The following MYO10 variants were observed in gnomAD, a reference collection of about 807,000 sequenced individuals.
The protein encoded by MYO10 is myosin X.
Under a neutral mutation model 257.3 loss-of-function variants are expected in MYO10, and 133 were observed. The observed-to-expected ratio is 0.52, with a 90% CI of 0.45 to 0.60. The LOEUF (loss-of-function observed/expected upper bound fraction) is 0.60. MYO10 is among the 20% of genes least tolerant of loss of function. The pLI is 0.00. For synonymous variants in MYO10, 1,104 were observed against 1,028.6 expected, an observed-to-expected ratio of 1.07 and a Z score of -1.40; for missense variants, 2,399 against 2,635.7, an observed-to-expected ratio of 0.91 and a Z score of 1.97.
intron 2 of MYO10, 79 bp downstream of exon 2, chr5:16,877,530 G>C: frequency 9.1e-7 from 1 of 1,098,604 alleles, no homozygotes; most frequent in South Asian, 1.3e-5. Context: ...GTGTAGGGGG[G>C]CCAAGCACAC....
chr5:16,854,458 G>A (rs901303961), intron 2 of MYO10, among the ~76,000 whole-genome samples: 1 of 152,144 alleles, frequency 6.6e-6, no homozygotes, highest in African/African-American at 2.4e-5. Context: ...AAAGGACCAC[G>A]TATTGTTTGA....
At chr5:16,674,770 G>T in intron 35 of MYO10, 83 bp downstream of exon 35, 3 of 1,490,692 alleles carry the variant, frequency 2.0e-6, no homozygotes, top group Non-Finnish European at 2.8e-6. Context: ...CTGTTCAAAA[G>T]CCTCTTTATC....
At chr5:16,823,908 T>C (rs1489074963) in intron 2 of MYO10, among the ~76,000 whole-genome samples, 4 of 151,958 alleles carry the variant, frequency 2.6e-5, no homozygotes, top group Non-Finnish European at 5.9e-5. Flanking sequence ...GCATAAACTA[T>C]GGAAAAGGAG....
chr5:16,811,169 G>A (rs31492), intron 3 of MYO10, among the ~76,000 whole-genome samples: 150,807 of 151,862 alleles, frequency 0.99, 74,880 homozygotes, highest in Middle Eastern at 1. Context: ...TAAGTGGGGG[G>A]GGGATGTTCT....
intron 2 of MYO10, among the ~76,000 whole-genome samples, chr5:16,862,337 G>A (rs993905113): frequency 6.6e-6 from 1 of 152,130 alleles, no homozygotes; most frequent in Non-Finnish European, 1.5e-5. Flanking sequence ...TTACTATTTG[G>A]AAAGACTTGT....
intron 19 of MYO10, among the ~76,000 whole-genome samples, chr5:16,746,634 C>T (rs1408172052): frequency 1.3e-5 from 2 of 152,142 alleles, no homozygotes; most frequent in African/African-American, 4.8e-5. Context: ...ACCAGTGAAA[C>T]AGAAAGTTAT....
chr5:16,886,010 T>TC (rs1409618020), intron 1 of MYO10, among the ~76,000 whole-genome samples: 1 of 152,028 alleles, frequency 6.6e-6, no homozygotes, highest in African/African-American at 2.4e-5. Flanking sequence ...GCTAAATGAG[T>TC]CCCTCTGACT....
At chr5:16,813,455 G>A (rs1742502398) in intron 3 of MYO10, among the ~76,000 whole-genome samples, 1 of 151,760 alleles carries the variant, frequency 6.6e-6, no homozygotes, top group Non-Finnish European at 1.5e-5. Context: ...ACTCAGGCGA[G>A]AGGATCACTG....
In MYO10 at chr5:16,666,554, C is replaced by T. The variant is rs751089782; in HGVS notation, c.*138G>A. On this transcript the variant is annotated 3_prime_UTR_variant, in exon 41 of 41. Coordinates refer to ENST00000513610, the MANE Select transcript of MYO10 (RefSeq NM_012334.3). ...CGGCAGGCAAAAGGATCCTCGGAGACACCTCCCTCAGACCAGAAGCTTCCA... is the reference window on the plus strand; with the variant it reads ...CGGCAGGCAAAAGGATCCTCGGAGATACCTCCCTCAGACCAGAAGCTTCCA... The T allele has an allele frequency of 5.7e-4, 376 of 654,884 alleles. 2 individuals carry two copies. Among genetic ancestry groups the T allele is most frequent in the Non-Finnish European group, 6.8e-4 (266 of 389,468 alleles). 40.6% of individuals were successfully genotyped at this position (654,884 alleles called of 1,614,324 possible). A position where few individuals can be genotyped will look rare whatever the true frequency, so the allele number is the denominator to read the frequency against.
rs770857849 is a variant in MYO10, at chr5:16,670,950, T to C, written c.5459A>G (p.His1820Arg). Reference sequence around the variant, plus strand: ...CTGGAGGTTTTCTTCCGGGGCTGGATGGTGGCCATGGATAACCGCTTCGTG... The same window carrying C: ...CTGGAGGTTTTCTTCCGGGGCTGGACGGTGGCCATGGATAACCGCTTCGTG... ...QAHEAVIHGH[H>R]PAPEENLQVL... Residue 1820 changes from histidine to arginine, a missense_variant, in exon 39 of 41, where the codon CAT becomes CGT. This residue lies in a region of MYO10 where 1,820 missense variants were observed against 1,939.4 expected (regional missense o/e 0.94). Coordinates refer to ENST00000513610, the MANE Select transcript of MYO10 (RefSeq NM_012334.3). 2 of 1,612,156 alleles carry C rather than the reference T, an allele frequency of 1.2e-6. No homozygotes were observed. Among genetic ancestry groups the C allele is most frequent in the East Asian group, 2.2e-5 (1 of 44,834 alleles).
intron 19 of MYO10, among the ~76,000 whole-genome samples, chr5:16,719,109 C>T (rs1739033522): frequency 6.6e-6 from 1 of 152,192 alleles, no homozygotes. Context: ...TGGGTCCACG[C>T]TGCTTTTATG....
intron 1 of MYO10, among the ~76,000 whole-genome samples, chr5:16,898,597 C>A (rs566282115): frequency 6.6e-6 from 1 of 151,700 alleles, no homozygotes; most frequent in Non-Finnish European, 1.5e-5. Flanking sequence ...TTAGTAGAAA[C>A]GGGGTTTCAC....
intron 35 of MYO10, among the ~76,000 whole-genome samples, 152 bp from the exon 36 acceptor site, chr5:16,674,041 G>A (rs886808855): frequency 2.0e-5 from 3 of 152,050 alleles, no homozygotes; most frequent in Non-Finnish European, 2.9e-5. Flanking sequence ...GCAAGGGCCC[G>A]CTTCATTTTG....
At position 16,670,853 on chromosome 5, in the gene MYO10, T is replaced by TA; in HGVS notation, c.5555_5556insT (p.Glu1852AspfsTer24). 1 of 1,613,956 alleles carries TA rather than the reference T, an allele frequency of 6.2e-7. No homozygotes were observed. The highest frequency in any genetic ancestry group is 8.5e-7 in the Non-Finnish European group (1 of 1,179,882). On this transcript the variant is annotated frameshift_variant, in exon 39 of 41. Transcript: ENST00000513610. LOFTEE classifies it high-confidence loss of function. ...TGAGTCTCTGCAGGGAATAAACCTC[T>TA]TCGAGAGGTGGGATGGCAGCGTGCA... is the stretch of plus-strand genomic sequence containing the variant.
At chr5:16,891,069 G>C (rs1251621397) in intron 1 of MYO10, among the ~76,000 whole-genome samples, 1 of 151,662 alleles carries the variant, frequency 6.6e-6, no homozygotes, top group Non-Finnish European at 1.5e-5. Context: ...GATCACATGA[G>C]GTCAGGTGTT....
At chr5:16,697,340 G>A (rs31576) in intron 26 of MYO10, among the ~76,000 whole-genome samples, 88,125 of 152,026 alleles carry the variant, frequency 0.58, 26,181 homozygotes, top group African/African-American at 0.69. Context: ...AAGAAAAGAC[G>A]TGGAAAAAAA....
intron 1 of MYO10, among the ~76,000 whole-genome samples, chr5:16,878,077 G>A (rs780806637): frequency 6.6e-6 from 1 of 152,186 alleles, no homozygotes; most frequent in South Asian, 2.1e-4. Context: ...AACTTGCCCA[G>A]CATCACAAAG....
At chr5:16,907,840 T>A (rs1434398255) in intron 1 of MYO10, among the ~76,000 whole-genome samples, 1 of 152,264 alleles carries the variant, frequency 6.6e-6, no homozygotes. Context: ...CATGGTTTCC[T>A]TTTTCTGAGC....
At chr5:16,866,434 A>G (rs1351966674) in intron 2 of MYO10, among the ~76,000 whole-genome samples, 1 of 152,192 alleles carries the variant, frequency 6.6e-6, no homozygotes, top group African/African-American at 2.4e-5. Flanking sequence ...ATTAAAATGG[A>G]GGGCCATTAA....
Sources: gnomAD v4.1 joint callset for allele counts (sites outside exome capture counted in the v4.1 genomes callset) on GRCh38, gnomAD v4.1.1 for gene constraint, gnomAD v4.1.1 regional missense constraint, MANE v1.5 for transcripts, NCBI Gene and HGNC (gene_info 2026-07-23, HGNC 2026-07-21) for gene names.